Variants in STAB2 observed in about 807,000 individuals in gnomAD.
STAB2 encodes stabilin-2.
In STAB2, 288 loss-of-function variants were observed where a neutral mutation model predicts 338.1. The observed-to-expected ratio is 0.85, with a 90% CI of 0.77 to 0.94. The LOEUF (loss-of-function observed/expected upper bound fraction) is 0.94. Among genes scored for constraint, STAB2 ranks in the 40% least tolerant of loss-of-function variants. The probability of loss-of-function intolerance (pLI) is 0.00; values close to 1 mark genes in which losing one functional copy is unlikely to be tolerated. For synonymous variants in STAB2, 1,202 were observed against 1,193.3 expected, an observed-to-expected ratio of 1.01 and a Z score of -0.15; for missense variants, 3,141 against 3,210.1, an observed-to-expected ratio of 0.98 and a Z score of 0.52.
rs1172737356 is a variant in STAB2, at chr12:103,594,519, C to T, written c.331+9C>T. Reference sequence around the variant, plus strand: ...GGGCCCAGACTGTATAGGTAAGTGGCACAATGCTTGGACTTTGAGACTTGC... The same window carrying T: ...GGGCCCAGACTGTATAGGTAAGTGGTACAATGCTTGGACTTTGAGACTTGC... On this transcript the variant is annotated intron_variant, in intron 3 of 68. Coordinates refer to ENST00000388887, the MANE Select transcript of STAB2 (RefSeq NM_017564.10). The T allele has an allele frequency of 2.5e-6, 4 of 1,602,068 alleles. No individual in the cohort carries two copies. Among genetic ancestry groups the T allele is most frequent in the Non-Finnish European group, 3.4e-6 (4 of 1,169,374 alleles).
chr12:103,688,124 T>A (rs1231355923), intron 27 of STAB2, 44 bp from the exon 28 acceptor site: 2 of 1,576,330 alleles, frequency 1.3e-6, no homozygotes, highest in African/African-American at 2.7e-5. Context: ...TTTCTCTGTG[T>A]TCTCTCCCAT....
intron 44 of STAB2, among the ~76,000 whole-genome samples, chr12:103,721,313 G>A (rs1437187887): frequency 6.6e-6 from 1 of 152,228 alleles, no homozygotes; most frequent in Non-Finnish European, 1.5e-5. Context: ...TGGGGAAAAT[G>A]TATAAGCAAA....
chr12:103,712,369 G>A lies in STAB2; in HGVS notation c.4337G>A (p.Cys1446Tyr), dbSNP rs1879941397. The A allele has an allele frequency of 6.2e-7, 1 of 1,613,730 alleles. No homozygotes were observed. The highest frequency in any genetic ancestry group is 8.5e-7 in the Non-Finnish European group (1 of 1,179,614). The change falls in exon 41 of 69, where the codon TGC (cysteine) becomes TAC (tyrosine). Residue 1446 changes from cysteine to tyrosine, a missense_variant and splice_region_variant. By Grantham distance (194) the Cys-to-Tyr change is radical. Transcript: ENST00000388887. ...CNGTCHTSAN[C>Y]LTNSDGTASC... ...CCATTTGTCCTTCCTTGTTGCAGCTGCCTCACCAACTCAGATGGTACAGCT... is the reference window on the plus strand; with the variant it reads ...CCATTTGTCCTTCCTTGTTGCAGCTACCTCACCAACTCAGATGGTACAGCT...
chr12:103,762,524 T>A, intron 67 of STAB2, 122 bp downstream of exon 67: 1 of 1,489,096 alleles, frequency 6.7e-7, no homozygotes. Context: ...TGTCACACAG[T>A]AGCAGGGGCG....
At chr12:103,658,346 C>A (rs831426) in intron 15 of STAB2, among the ~76,000 whole-genome samples, 119,280 of 151,992 alleles carry the variant, frequency 0.78, 47,056 homozygotes, top group Middle Eastern at 0.83. Context: ...TCCTGGAAAC[C>A]TACCCTGTTC....
In STAB2 at chr12:103,655,559, T is replaced by C. The variant is rs1874118512; in HGVS notation, c.1712T>C (p.Leu571Pro). ...TTGAATAACATGAAGGACGGCACTC[T>C]CGATTACCTCCTTTCTCCAGAGGTA... ...EALNNMKDGT[L>P]DYLLSPEGSR... The change falls in exon 15 of 69, where the codon CTC (leucine) becomes CCC (proline). Residue 571 changes from leucine (L) to proline (P), a missense_variant. By Grantham distance (98) the Leu-to-Pro change is moderately conservative. Transcript: ENST00000388887. 2 of 1,613,812 alleles carry C rather than the reference T, an allele frequency of 1.2e-6. No individual in the cohort carries two copies. The highest frequency in any genetic ancestry group is 1.3e-5 in the African/African-American group (1 of 74,874).
At position 103,646,642 on chromosome 12, in the gene STAB2, G is replaced by A. The variant is rs553022930; in HGVS notation, c.1041-2048G>A. On this transcript the variant is annotated intron_variant, in intron 9 of 68. Transcript: ENST00000388887. ...TCCATCCTTAGCATGTAAGACTCAA[G>A]AAGGGCAAAGTGTCTCTTATTATCA... Among the ~76,000 whole-genome samples, 13 of 152,328 alleles carry A rather than the reference G, an allele frequency of 8.5e-5. No individual in the cohort carries two copies. In the East Asian group the frequency reaches 2.5e-3, roughly 29 times the overall value.
chr12:103,676,535 C>T (rs1295880154), intron 24 of STAB2, among the ~76,000 whole-genome samples: 1 of 152,168 alleles, frequency 6.6e-6, no homozygotes, highest in African/African-American at 2.4e-5. Flanking sequence ...GGCTGGAGCA[C>T]AGTGGTGAAA....
intron 39 of STAB2, among the ~76,000 whole-genome samples, chr12:103,709,647 G>C (rs1226140680): frequency 1.3e-5 from 2 of 152,184 alleles, no homozygotes; most frequent in East Asian, 3.9e-4. Flanking sequence ...AGGGAATGCA[G>C]TTGCCTTTTA....
At chr12:103,715,585 A>G (rs1329486900) in intron 42 of STAB2, among the ~76,000 whole-genome samples, 2 of 152,224 alleles carry the variant, frequency 1.3e-5, no homozygotes, top group African/African-American at 2.4e-5. Flanking sequence ...TTAAGCCAGT[A>G]GACAATCCCT....
rs1045346385 is a variant in STAB2, at chr12:103,742,319, G to C, written c.5882-86G>C. 1.2e-5 allele frequency: 19 copies of C among 1,542,872 alleles called. No homozygotes were observed. The African/African-American group carries it at 2.5e-4, about 20-fold the overall frequency. On this transcript the variant is annotated intron_variant, in intron 55 of 68. Coordinates refer to ENST00000388887, the MANE Select transcript of STAB2 (RefSeq NM_017564.10). ...CGATGGTCCCTCTGGGCTAACAGAA[G>C]TCAGATGCCACAGCACATTTACAAA...
chr12:103,611,577 T>C (rs1405628546), intron 3 of STAB2, among the ~76,000 whole-genome samples: 2 of 152,242 alleles, frequency 1.3e-5, no homozygotes, highest in East Asian at 3.8e-4. Flanking sequence ...TGAGGCTTTG[T>C]GTGTCTCTGC....
chr12:103,678,963 G>A (rs1044956699), intron 25 of STAB2, among the ~76,000 whole-genome samples: 1 of 152,198 alleles, frequency 6.6e-6, no homozygotes, highest in South Asian at 2.1e-4. Flanking sequence ...CCAGTGCAGG[G>A]CTGGACACTT....
chr12:103,663,890 C>CT (rs1874839365), intron 18 of STAB2, among the ~76,000 whole-genome samples: 1 of 152,160 alleles, frequency 6.6e-6, no homozygotes, highest in Admixed American at 6.5e-5. Context: ...AGTCTCCTGC[C>CT]TCTTCCTTCC....
At chr12:103,751,664 G>A (rs1303284823) in intron 60 of STAB2, among the ~76,000 whole-genome samples, 3 of 152,148 alleles carry the variant, frequency 2.0e-5, no homozygotes, top group Non-Finnish European at 4.4e-5. Context: ...TTTGCCCCTG[G>A]GACTGTGAAG....
At chr12:103,755,561 C>T (rs757214893) in intron 62 of STAB2, 51 bp from the exon 63 acceptor site, 82 of 1,611,138 alleles carry the variant, frequency 5.1e-5, no homozygotes, top group Non-Finnish European at 1.0e-5. Context: ...AGCAGTGCAG[C>T]CCTGGCCCCT....
Position 103,695,841 on chromosome 12 carries a change from T to C in STAB2, c.3579T>C (p.Ser1193=), listed in dbSNP as rs539988785. The part of the protein sequence containing the change: ...ENYIREKKVL[S]LEEDVLRYHV... Reference sequence around the variant, plus strand: ...ACATCAGGGAGAAGAAAGTCTTGTCTCTAGTAAGTGTCAAGAACTATAACT... The same window carrying C: ...ACATCAGGGAGAAGAAAGTCTTGTCCCTAGTAAGTGTCAAGAACTATAACT... The change falls in exon 33 of 69, where the codon TCT becomes TCC. Residue 1193 remains serine (S), a synonymous_variant. Transcript: ENST00000388887. 10 of 1,613,608 alleles carry C rather than the reference T, an allele frequency of 6.2e-6. No individual in the cohort carries two copies. The Admixed American group carries it at 1.0e-4, about 16-fold the overall frequency.
At position 103,735,549 on chromosome 12, in the gene STAB2, T is replaced by C; in HGVS notation, c.5519T>C (p.Leu1840Pro). 6.2e-7 allele frequency: 1 copy of C among 1,609,934 alleles called. No homozygotes were observed. The highest frequency in any genetic ancestry group is 1.1e-5 in the South Asian group (1 of 90,578). ...TAWKTLQGSE[L>P]SVKCGAGRDI... ...TGGAAGACCCTGCAAGGTTCAGAGC[T>C]GAGTGTGAAATGTGGAGCTGGCAGG... The change falls in exon 52 of 69, where the codon CTG becomes CCG. Residue 1840 changes from leucine to proline, a missense_variant. Transcript: ENST00000388887.
In STAB2 at chr12:103,750,736, G is replaced by T. The variant is rs778776525; in HGVS notation, c.6580+16G>T. The T allele has an allele frequency of 2.5e-6, 4 of 1,604,608 alleles. No individual in the cohort carries two copies. The African/African-American group carries it at 4.0e-5, about 16-fold the overall frequency. ...CACTTCCAGGGTTAGTGTGACCAGGGCCTATGGCCCAAAGCACCCTCCTCT... is the reference window on the plus strand; with the variant it reads ...CACTTCCAGGGTTAGTGTGACCAGGTCCTATGGCCCAAAGCACCCTCCTCT... On this transcript the variant is annotated intron_variant, in intron 60 of 68. Transcript: ENST00000388887.
Sources: allele counts gnomAD v4.1 joint callset (sites outside exome capture counted in the v4.1 genomes callset), GRCh38; gene constraint gnomAD v4.1.1; transcripts MANE v1.5; gene names NCBI Gene and HGNC (gene_info 2026-07-23, HGNC 2026-07-21).